The following RTL4 variants were observed in gnomAD, a reference collection of about 807,000 sequenced individuals.
RTL4 encodes the protein retrotransposon Gag like 4.
Under a neutral mutation model 5.3 loss-of-function variants are expected in RTL4, and 4 were observed. The ratio of observed to expected loss-of-function variants is 0.75; its 90% confidence interval spans 0.37 to 1.72. RTL4 has a LOEUF of 1.72. RTL4 is among the 40% of genes most tolerant of loss of function. RTL4 has a pLI of 0.04. For synonymous variants in RTL4, 98 were observed against 87.3 expected (o/e 1.12, Z -0.68); for missense variants, 260 against 227.1 (o/e 1.14, Z -0.93).
At chrX:112,376,812 T>C in the RTL4 span, among the ~76,000 whole-genome samples, 2 of 112,368 alleles carry the variant, frequency 1.8e-5, no homozygotes, top group Non-Finnish European at 3.8e-5. Context: ...AGAAGCAGTT[T>C]GCATTCGGTT....
the RTL4 span, among the ~76,000 whole-genome samples, chrX:112,306,557 T>A: frequency 9.0e-6 from 1 of 111,569 alleles, no homozygotes; most frequent in Admixed American, 9.6e-5. Context: ...CTAGCCAGCC[T>A]GACTCCAGAG....
At chrX:112,360,186 C>T in the RTL4 span, among the ~76,000 whole-genome samples, 4 of 111,016 alleles carry the variant, frequency 3.6e-5, no homozygotes, top group African/African-American at 9.8e-5. Flanking sequence ...ACCTCTTTCT[C>T]CTTTGACCTC....
the RTL4 span, among the ~76,000 whole-genome samples, chrX:112,294,776 G>GT: frequency 1.2e-3 from 135 of 111,974 alleles, no homozygotes; most frequent in African/African-American, 4.3e-3. Context: ...TTTTCTTGGT[G>GT]TTTTTTAGAT....
chrX:112,278,247 C>A, the RTL4 span, among the ~76,000 whole-genome samples: 1 of 112,314 alleles, frequency 8.9e-6, no homozygotes, highest in African/African-American at 3.2e-5. Context: ...TGTTCAGCTT[C>A]TCAAAATATT....
At chrX:112,161,587 A>G in the RTL4 span, among the ~76,000 whole-genome samples, 2 of 111,064 alleles carry the variant, frequency 1.8e-5, no homozygotes, top group African/African-American at 6.6e-5. Flanking sequence ...TGGGGGAGAG[A>G]ACCTTGGAGG....
the RTL4 span, among the ~76,000 whole-genome samples, chrX:112,293,026 C>T: frequency 1.8e-5 from 2 of 111,877 alleles, no homozygotes; most frequent in African/African-American, 6.5e-5. Context: ...TTGCTAATAG[C>T]AACACAGACA....
At chrX:112,452,238 G>C (rs1295847890), upstream of RTL4, among the ~76,000 whole-genome samples, 1 of 103,874 alleles carries the variant, frequency 9.6e-6, no homozygotes, top group African/African-American at 3.5e-5. Flanking sequence ...CTACAGGCAC[G>C]TGCCACCACG....
chrX:112,359,134 G>T, the RTL4 span, among the ~76,000 whole-genome samples: 1 of 111,007 alleles, frequency 9.0e-6, no homozygotes, highest in Admixed American at 9.6e-5. Flanking sequence ...AAAAATCTAG[G>T]ACCATACATT....
At chrX:112,432,414 A>T in the RTL4 span, among the ~76,000 whole-genome samples, 3 of 95,045 alleles carry the variant, frequency 3.2e-5, no homozygotes, top group Non-Finnish European at 6.3e-5. Context: ...CTTTTTAATG[A>T]TTGCCATTCT....
chrX:112,214,773 GT>G, the RTL4 span, among the ~76,000 whole-genome samples: 5 of 109,950 alleles, frequency 4.5e-5, no homozygotes, highest in South Asian at 1.5e-3. Flanking sequence ...GATGATTAGT[GT>G]TTTTTTTGTT....
the RTL4 span, among the ~76,000 whole-genome samples, chrX:112,262,912 G>A: frequency 6.6e-5 from 7 of 106,725 alleles, no homozygotes; most frequent in Admixed American, 1.0e-4. Flanking sequence ...GATGAAGCTG[G>A]AAACCATCAT....
chrX:112,343,722 A>G, the RTL4 span, among the ~76,000 whole-genome samples: 1 of 112,118 alleles, frequency 8.9e-6, no homozygotes, highest in African/African-American at 3.2e-5. Context: ...CAGGAAAACA[A>G]CCTGGTCACC....
chrX:112,301,175 T>A, the RTL4 span, among the ~76,000 whole-genome samples: 24 of 111,989 alleles, frequency 2.1e-4, no homozygotes, highest in East Asian at 6.5e-3. Context: ...AATTATCTGG[T>A]TTGTCAGCTA....
the RTL4 span, among the ~76,000 whole-genome samples, chrX:112,109,774 C>T: frequency 9.0e-6 from 1 of 111,329 alleles, no homozygotes; most frequent in Non-Finnish European, 1.9e-5. Flanking sequence ...AACAGGACAC[C>T]CCAACTGCTG....
At chrX:112,400,226 A>G in the RTL4 span, among the ~76,000 whole-genome samples, 2 of 111,342 alleles carry the variant, frequency 1.8e-5, no homozygotes, top group Non-Finnish European at 3.8e-5. Context: ...TACAGCAATT[A>G]TTTGAGGTGA....
chrX:112,131,411 C>A, the RTL4 span, among the ~76,000 whole-genome samples: 4 of 111,239 alleles, frequency 3.6e-5, no homozygotes, highest in African/African-American at 1.3e-4. Context: ...ATCTCCATGG[C>A]ACCCATGGCC....
the RTL4 span, among the ~76,000 whole-genome samples, chrX:112,275,637 T>C: frequency 4.5e-5 from 5 of 111,495 alleles, no homozygotes; most frequent in East Asian, 1.1e-3. Flanking sequence ...AAACCAGTGT[T>C]AAAAAGAAAA....
At chrX:112,113,594 G>C in the RTL4 span, among the ~76,000 whole-genome samples, 1 of 110,840 alleles carries the variant, frequency 9.0e-6, no homozygotes, top group Admixed American at 9.5e-5. Flanking sequence ...AGTGAGGGTG[G>C]TGACATGAGC....
the RTL4 span, among the ~76,000 whole-genome samples, chrX:112,380,722 G>A: frequency 6.2e-5 from 7 of 112,559 alleles, no homozygotes; most frequent in Non-Finnish European, 1.1e-4. Context: ...AAGGGGCGCG[G>A]CCGTTGCCAG....
Sources: gnomAD v4.1 joint callset for allele counts (sites outside exome capture counted in the v4.1 genomes callset) on GRCh38, gnomAD v4.1.1 for gene constraint, MANE v1.5 for transcripts, NCBI Gene and HGNC (gene_info 2026-07-23, HGNC 2026-07-21) for gene names.